Variants in HERC1 observed in about 807,000 individuals in gnomAD.
The protein encoded by HERC1 is HECT and RLD domain containing E3 ubiquitin protein ligase family member 1.
Under a neutral mutation model 554.3 loss-of-function variants are expected in HERC1, and 160 were observed. That is an observed-to-expected ratio of 0.29 (90% CI 0.25 to 0.33). The LOEUF (loss-of-function observed/expected upper bound fraction) is 0.33. HERC1 is among the 10% of genes least tolerant of loss of function. The pLI is 1.00. For missense variants in HERC1, 4,919 were observed against 5,918.5 expected (o/e 0.83, Z 5.54); for synonymous variants, 2,175 against 2,131.7 (o/e 1.02, Z -0.56).
chr15:63,664,044 A>G (rs1218350908), intron 43 of HERC1, among the ~76,000 whole-genome samples: 4 of 152,214 alleles, frequency 2.6e-5, no homozygotes. Context: ...TCTGGTCCTT[A>G]TCTAGCAGTG....
chr15:63,743,401 A>G (rs1034009024), intron 12 of HERC1, among the ~76,000 whole-genome samples: 11 of 151,760 alleles, frequency 7.2e-5, no homozygotes, highest in Non-Finnish European at 1.6e-4. Context: ...AGCTGGGACT[A>G]CAGGCATGTG....
rs188610380 is a variant in HERC1, at chr15:63,734,178, T to C, written c.2646+546A>G. On this transcript the variant is annotated intron_variant, in intron 13 of 77. Transcript: ENST00000443617. The surrounding 1 kb of genome is among the most constrained non-coding windows in gnomAD (Gnocchi z 4.6). ...CAAGACTCTGTCTCCAAAAAAAGAT[T>C]TAAAAAGAAAGAAAAGTATCAGTAA... Among the ~76,000 whole-genome samples, 258 of 152,014 alleles carry C rather than the reference T, an allele frequency of 1.7e-3. No individual in the cohort carries two copies. Among genetic ancestry groups the C allele is most frequent in the African/African-American group, 6.0e-3 (247 of 41,452 alleles).
intron 77 of HERC1, among the ~76,000 whole-genome samples, chr15:63,611,639 G>A (rs2067595756): frequency 6.6e-6 from 1 of 152,204 alleles, no homozygotes; most frequent in South Asian, 2.1e-4. Context: ...AGCACAGGAA[G>A]AGGCAGTATG....
intron 50 of HERC1, 143 bp from the exon 51 acceptor site, chr15:63,654,467 C>T: frequency 1.6e-6 from 1 of 611,200 alleles, no homozygotes; most frequent in Non-Finnish European, 2.9e-6. Context: ...AGAATTGGCA[C>T]TTTTGCAAGC....
chr15:63,619,957 A>C (rs1241004753), intron 74 of HERC1, among the ~76,000 whole-genome samples: 3 of 152,082 alleles, frequency 2.0e-5, no homozygotes, highest in Admixed American at 2.0e-4. Flanking sequence ...TCCTGGATTC[A>C]TTGATTTTTT....
In HERC1 at chr15:63,675,057, T is replaced by C; in HGVS notation, c.7131A>G (p.Pro2377=). The C allele has an allele frequency of 2.5e-6, 4 of 1,613,914 alleles. No individual in the cohort carries two copies. The highest frequency in any genetic ancestry group is 3.4e-6 in the Non-Finnish European group (4 of 1,179,848). Residue 2377 remains proline (P), a synonymous_variant, in exon 38 of 78, where the codon CCA becomes CCG. Transcript: ENST00000443617. ...GGAATCGCGCCACATCAAACGGCAA[T>C]GGTTCACAGGGTTCCAGATTATACA... The part of the protein sequence containing the change: ...TPLYNLEPCE[P]LPFDVARFRG...
At chr15:63,689,139 G>T (rs2071956898) in intron 33 of HERC1, among the ~76,000 whole-genome samples, 1 of 152,226 alleles carries the variant, frequency 6.6e-6, no homozygotes, top group African/African-American at 2.4e-5. Context: ...GGAGATCCGG[G>T]AGAAAGCGTT....
chr15:63,791,375 A>G (rs2076648575), intron 1 of HERC1, among the ~76,000 whole-genome samples: 1 of 152,238 alleles, frequency 6.6e-6, no homozygotes, highest in Non-Finnish European at 1.5e-5. Flanking sequence ...ACGTATACAT[A>G]TATTACAAAT....
rs1480757874 is a variant in HERC1 at position 63,824,842 on chromosome 15, AG to A, written c.-27+8984del. 2.0e-5 allele frequency among the ~76,000 whole-genome samples: 3 copies of A among 149,968 alleles called. 1 individual carries two copies. Among genetic ancestry groups the A allele is most frequent in the South Asian group, 4.2e-4 (2 of 4,714 alleles). Reference sequence around the variant, plus strand: ...GTCTTAAGTGACACAAGTCAGACGTAGGAAAAAAAAAAAACACTAAATGATC... The same window carrying A: ...GTCTTAAGTGACACAAGTCAGACGTAGAAAAAAAAAAAACACTAAATGATC... On this transcript the variant is annotated intron_variant, in intron 1 of 77. Coordinates refer to ENST00000443617, the MANE Select transcript of HERC1 (RefSeq NM_003922.4).
chr15:63,726,441 T>C (rs1200008162), intron 17 of HERC1, among the ~76,000 whole-genome samples: 1 of 151,566 alleles, frequency 6.6e-6, no homozygotes, highest in South Asian at 2.1e-4. Context: ...AAAAGGAAAA[T>C]GGATAAATGA....
chr15:63,747,666 A>G, intron 11 of HERC1, 58 bp downstream of exon 11: 2 of 1,027,488 alleles, frequency 1.9e-6, no homozygotes, highest in Non-Finnish European at 2.8e-6. Context: ...ATTTATACAC[A>G]TGCACACACG....
At chr15:63,628,627 G>T (rs1308166945) in intron 70 of HERC1, 50 bp downstream of exon 70, 3 of 1,551,948 alleles carry the variant, frequency 1.9e-6, no homozygotes, top group South Asian at 2.5e-5. Context: ...GTGCCATGGG[G>T]TACTGCTAAA....
intron 12 of HERC1, among the ~76,000 whole-genome samples, chr15:63,736,187 T>G (rs1170186033): frequency 6.6e-6 from 1 of 152,188 alleles, no homozygotes; most frequent in Non-Finnish European, 1.5e-5. Context: ...AAAAACACTT[T>G]GATTTGTACT....
rs1273727053 is a variant in HERC1 at position 63,632,738 on chromosome 15, T to C, written c.12767A>G (p.Lys4256Arg). The C allele has an allele frequency of 1.9e-6, 3 of 1,565,204 alleles. No homozygotes were observed. Among genetic ancestry groups the C allele is most frequent in the East Asian group, 2.3e-5 (1 of 42,942 alleles). ...ACCAAAGGTATACACATGACCATCT[T>C]TGGTCAAAGCAACAGAAAACTGAGT... ...CGTQFSVALTKDGHVYTFGQD... is the reference protein window; with the variant it reads ...CGTQFSVALTRDGHVYTFGQD... The change falls in exon 68 of 78, where the codon AAA becomes AGA. Residue 4256 changes from lysine to arginine, a missense_variant. By Grantham distance (26) the Lys-to-Arg change is conservative (BLOSUM62 2). This residue lies in a region of HERC1 where 410 missense variants were observed against 467.0 expected (regional missense o/e 0.88). Coordinates refer to ENST00000443617, the MANE Select transcript of HERC1 (RefSeq NM_003922.4).
At chr15:63,744,164 G>GTGTGTGTGTGTGTGTGTGTCTC in intron 12 of HERC1, among the ~76,000 whole-genome samples, 29 of 46,292 alleles carry the variant, frequency 6.3e-4, no homozygotes, top group East Asian at 2.0e-3. Context: ...GTGTGTGTGT[G>GTGTGTGTGTGTGTGTGTGTCTC]TCTCTCTCTC....
chr15:63,680,605 G>A lies in HERC1; in HGVS notation c.6397C>T (p.Gln2133Ter). Reference sequence around the variant, plus strand: ...AACACACAGGTAATGAAATCTCCTTGAGTAAAGCTGGACAATGTGAGAGTC... The same window carrying A: ...AACACACAGGTAATGAAATCTCCTTAAGTAAAGCTGGACAATGTGAGAGTC... The part of the protein sequence containing the change: ...EQTLTLSSFT[Q>*]GDFITCVLDM... The change falls in exon 35 of 78, where the codon CAA (glutamine) becomes TAA (stop). Residue 2133 changes from glutamine to a stop codon, truncating the protein, a stop_gained. Transcript: ENST00000443617. LOFTEE classifies it high-confidence loss of function. This position sits in a 1 kb window ranked among gnomAD's most constrained non-coding sequence, Gnocchi z 5.8. 6.2e-7 allele frequency: 1 copy of A among 1,613,690 alleles called. No homozygotes were observed. The highest frequency in any genetic ancestry group is 2.2e-5 in the East Asian group (1 of 44,862).
intron 57 of HERC1, 115 bp downstream of exon 57, chr15:63,644,877 T>C (rs1274010118): frequency 5.7e-6 from 4 of 705,000 alleles, no homozygotes; most frequent in East Asian, 5.0e-5. Flanking sequence ...TATTTCCCAA[T>C]GGATCTTGCC....
At chr15:63,774,575 T>C (rs979310220) in intron 2 of HERC1, 119 bp downstream of exon 2, 4 of 744,984 alleles carry the variant, frequency 5.4e-6, no homozygotes, top group African/African-American at 3.6e-5. Flanking sequence ...AAATATTTAA[T>C]TAACTCAACA....
At chr15:63,646,467 A>G (rs2069344455) in intron 55 of HERC1, among the ~76,000 whole-genome samples, 2 of 152,016 alleles carry the variant, frequency 1.3e-5, no homozygotes, top group South Asian at 4.1e-4. Context: ...AAAAATTTTA[A>G]AAGAAACTAG....
Sources: gnomAD v4.1 joint callset for allele counts (sites outside exome capture counted in the v4.1 genomes callset) on GRCh38, gnomAD v4.1.1 for gene constraint, gnomAD v4.1.1 regional missense constraint, Gnocchi (gnomAD v3.1) non-coding constraint, MANE v1.5 for transcripts, NCBI Gene and HGNC (gene_info 2026-07-23, HGNC 2026-07-21) for gene names.